The following NXPE2 variants were observed in gnomAD, a reference collection of about 807,000 sequenced individuals.
NXPE2 encodes the protein neurexophilin and PC-esterase domain family member 2.
In NXPE2, 34 loss-of-function variants were observed where a neutral mutation model predicts 34.4. That is an observed-to-expected ratio of 0.99 (90% CI 0.75 to 1.31). NXPE2 has a LOEUF of 1.31. Ranked by LOEUF, NXPE2 falls within the 40% of genes most tolerant of loss-of-function variation. NXPE2 has a pLI of 0.00. For synonymous variants in NXPE2, 235 were observed against 231.3 expected, an observed-to-expected ratio of 1.02 and a Z score of -0.15; for missense variants, 649 against 672.5, an observed-to-expected ratio of 0.97 and a Z score of 0.39.
the NXPE2 span, among the ~76,000 whole-genome samples, chr11:114,632,167 CATATA>C: frequency 1.0e-4 from 14 of 137,730 alleles, no homozygotes; most frequent in East Asian, 2.0e-4. Context: ...TAAAATTTAT[CATATA>C]ATATATAATA....
the NXPE2 span, among the ~76,000 whole-genome samples, chr11:114,799,248 G>A: frequency 3.2e-5 from 4 of 126,492 alleles, no homozygotes; most frequent in East Asian, 9.5e-4. Context: ...AGAAGAAAAG[G>A]AAACATCTGT....
chr11:114,654,080 A>G, the NXPE2 span, among the ~76,000 whole-genome samples: 4 of 152,274 alleles, frequency 2.6e-5, no homozygotes, highest in African/African-American at 9.6e-5. Context: ...TGGTGAAGGT[A>G]TGTACAAAGA....
the NXPE2 span, among the ~76,000 whole-genome samples, chr11:114,559,558 C>T: frequency 6.6e-6 from 1 of 151,960 alleles, no homozygotes; most frequent in Non-Finnish European, 1.5e-5. Context: ...TTGATGCTGT[C>T]TCACCGTCAA....
chr11:114,703,619 TAGAG>T (rs1390990281), intron 3 of NXPE2, among the ~76,000 whole-genome samples: 1 of 151,988 alleles, frequency 6.6e-6, no homozygotes, highest in African/African-American at 2.4e-5. Flanking sequence ...TAGTTTGTGG[TAGAG>T]AGCCATTTAG....
chr11:114,513,011 T>A, the NXPE2 span: 2 of 372,166 alleles, frequency 5.4e-6, no homozygotes, highest in Non-Finnish European at 1.1e-5. Flanking sequence ...CTGGGGTGGG[T>A]GAGCAGCAGA....
the NXPE2 span, among the ~76,000 whole-genome samples, chr11:114,577,428 G>C: frequency 2.0e-5 from 3 of 152,024 alleles, no homozygotes; most frequent in African/African-American, 4.8e-5. Flanking sequence ...AGGGATAAAA[G>C]ACTATACATT....
chr11:114,530,459 G>T, the NXPE2 span: 1 of 1,614,214 alleles, frequency 6.2e-7, no homozygotes, highest in Non-Finnish European at 8.5e-7. Context: ...CACTGGGGTG[G>T]ATGAGCAGCA....
the NXPE2 span, among the ~76,000 whole-genome samples, chr11:114,806,341 C>G: frequency 6.6e-6 from 1 of 152,322 alleles, no homozygotes; most frequent in South Asian, 2.1e-4. Context: ...CAAAGCTAGA[C>G]AGAGAATGAC....
the NXPE2 span, among the ~76,000 whole-genome samples, chr11:114,796,595 C>T: frequency 1.3e-5 from 2 of 152,186 alleles, no homozygotes; most frequent in Non-Finnish European, 2.9e-5. Context: ...GTGAATCACC[C>T]ACTTGAATAC....
the NXPE2 span, among the ~76,000 whole-genome samples, chr11:114,492,156 T>C: frequency 6.6e-6 from 1 of 152,224 alleles, no homozygotes; most frequent in East Asian, 1.9e-4. Flanking sequence ...ATTTAAAGTA[T>C]AATAATAATA....
At chr11:114,714,437 C>G in the NXPE2 span, among the ~76,000 whole-genome samples, 1 of 152,162 alleles carries the variant, frequency 6.6e-6, no homozygotes, top group Non-Finnish European at 1.5e-5. Context: ...GACTTTTATA[C>G]AGGTGATAAA....
the NXPE2 span, among the ~76,000 whole-genome samples, chr11:114,614,972 CCTCGTGAGT>C: frequency 6.7e-6 from 1 of 149,858 alleles, no homozygotes; most frequent in Non-Finnish European, 1.5e-5. Context: ...ATAAGTATTG[CCTCGTGAGT>C]AACCACTGTT....
chr11:114,562,196 A>C, the NXPE2 span, among the ~76,000 whole-genome samples: 2 of 152,222 alleles, frequency 1.3e-5, no homozygotes, highest in South Asian at 4.1e-4. Flanking sequence ...TCATCTTTGC[A>C]TTTGAAATTT....
the NXPE2 span, among the ~76,000 whole-genome samples, chr11:114,514,056 A>T: frequency 2.6e-5 from 4 of 152,152 alleles, no homozygotes; most frequent in Admixed American, 2.6e-4. Context: ...CTATGTGTAC[A>T]TATGTATGTG....
the NXPE2 span, among the ~76,000 whole-genome samples, chr11:114,758,749 A>AAT: frequency 6.6e-6 from 1 of 150,450 alleles, no homozygotes; most frequent in Non-Finnish European, 1.5e-5. Flanking sequence ...AGTTTAGTAA[A>AAT]ATATATATTT....
rs76704866 is a variant in NXPE2, at chr11:114,703,876, C to A, written c.867-115C>A. Reference sequence around the variant, plus strand: ...CTTCCCCAGGATATCTTAAATATATCAAAATAAGGGGGGAAAGGCATTTGG... The same window carrying A: ...CTTCCCCAGGATATCTTAAATATATAAAAATAAGGGGGGAAAGGCATTTGG... On this transcript the variant is annotated intron_variant, in intron 3 of 5. Coordinates refer to ENST00000389586, the MANE Select transcript of NXPE2 (RefSeq NM_182495.6). 4.7e-3 allele frequency: 3,495 copies of A among 744,204 alleles called. 86 individuals carry two copies. The African/African-American group carries it at 0.052, about 11-fold the overall frequency. The allele number at this position is 744,204 out of a possible 1,614,324, so 46.1% of individuals were successfully genotyped here.
the NXPE2 span, among the ~76,000 whole-genome samples, chr11:114,505,438 G>A: frequency 6.6e-6 from 1 of 151,846 alleles, no homozygotes; most frequent in South Asian, 2.1e-4. Context: ...ATTCTCCAAG[G>A]TCAAAATGAC....
chr11:114,743,527 T>G, the NXPE2 span, among the ~76,000 whole-genome samples: 1 of 152,130 alleles, frequency 6.6e-6, no homozygotes, highest in Non-Finnish European at 1.5e-5. Context: ...TTAAAATCTA[T>G]TTTATGTACA....
At chr11:114,710,553 G>A (rs972394792), downstream of NXPE2, among the ~76,000 whole-genome samples, 7 of 152,132 alleles carry the variant, frequency 4.6e-5, no homozygotes, top group South Asian at 1.0e-3. Flanking sequence ...AAAGAAATAA[G>A]AAATTTGAAC....
Sources: gnomAD v4.1 joint callset for allele counts (sites outside exome capture counted in the v4.1 genomes callset) on GRCh38, gnomAD v4.1.1 for gene constraint, MANE v1.5 for transcripts, NCBI Gene and HGNC (gene_info 2026-07-23, HGNC 2026-07-21) for gene names.